EP400: variants seen among roughly 807,000 people sequenced by gnomAD.
The protein encoded by EP400 is E1A-binding protein p400.
A neutral mutation model predicts 354.1 loss-of-function variants in EP400; 105 were observed. The ratio of observed to expected loss-of-function variants is 0.30; its 90% confidence interval spans 0.25 to 0.35. EP400 has a LOEUF of 0.35. Ranked by LOEUF, EP400 falls within the 10% of genes least tolerant of loss-of-function variation. The pLI, the probability that EP400 is intolerant of heterozygous loss-of-function variation, is 1.00. For missense variants in EP400, 3,280 were observed against 4,121.0 expected (o/e 0.80, Z 5.59); for synonymous variants, 1,646 against 1,716.9 (o/e 0.96, Z 1.02).
At chr12:132,046,999 G>A (rs1200005043) in intron 39 of EP400, among the ~76,000 whole-genome samples, 1 of 152,242 alleles carries the variant, frequency 6.6e-6, no homozygotes, top group Non-Finnish European at 1.5e-5. Context: ...AGTAGAGGCA[G>A]GCATCCAGTA....
Position 132,052,992 on chromosome 12 carries a change from C to A in EP400, c.7395-154C>A, listed in dbSNP as rs920483640. Among the ~76,000 whole-genome samples the A allele has an allele frequency of 1.3e-5, 2 of 152,140 alleles. No individual in the cohort carries two copies. Among genetic ancestry groups the A allele is most frequent in the African/African-American group, 4.8e-5 (2 of 41,436 alleles). Reference sequence around the variant, plus strand: ...GAGGATGAGGTCTAGGTGGCTCGATCTCCTGCAGGGCACATTGGGCACCTT... The same window carrying A: ...GAGGATGAGGTCTAGGTGGCTCGATATCCTGCAGGGCACATTGGGCACCTT... On this transcript the variant is annotated intron_variant, in intron 41 of 52. Coordinates refer to ENST00000389561, the MANE Select transcript of EP400 (RefSeq NM_015409.5). The surrounding 1 kb of genome is among the most constrained non-coding windows in gnomAD (Gnocchi z 4.4).
chr12:131,981,931 CCT>C (rs1566171295), intron 4 of EP400, among the ~76,000 whole-genome samples, 160 bp from the exon 5 acceptor site: 1 of 152,152 alleles, frequency 6.6e-6, no homozygotes, highest in Non-Finnish European at 1.5e-5. Flanking sequence ...AGGTCAAGCG[CCT>C]CTCTTTCCTT....
At chr12:132,042,480 G>A (rs1422064170) in intron 32 of EP400, among the ~76,000 whole-genome samples, 2 of 152,158 alleles carry the variant, frequency 1.3e-5, no homozygotes, top group Admixed American at 1.3e-4. Context: ...CCACCTGAAG[G>A]TCACCGGGCA....
At chr12:131,975,693 G>A (rs1463566212) in intron 2 of EP400, among the ~76,000 whole-genome samples, 3 of 147,474 alleles carry the variant, frequency 2.0e-5, no homozygotes, top group African/African-American at 8.1e-5. Context: ...CCAAGTAGCT[G>A]GGAGTACAGG....
intron 21 of EP400, among the ~76,000 whole-genome samples, chr12:132,019,472 G>A (rs1256632669): frequency 1.3e-5 from 2 of 152,146 alleles, no homozygotes; most frequent in African/African-American, 2.4e-5. Context: ...GGGAAGCCAA[G>A]CTGGCGGGAT....
chr12:131,954,626 G>C (rs562481706), intron 1 of EP400, among the ~76,000 whole-genome samples: 24 of 151,050 alleles, frequency 1.6e-4, no homozygotes, highest in Middle Eastern at 3.4e-3. Context: ...TCAGGAGGCT[G>C]AGGCAGGAGA....
chr12:132,031,590 G>A (rs1254832932), intron 29 of EP400, among the ~76,000 whole-genome samples: 1 of 152,176 alleles, frequency 6.6e-6, no homozygotes, highest in East Asian at 1.9e-4. Flanking sequence ...ACAGAGTCCT[G>A]CTCTGTCGCC....
Position 132,013,004 on chromosome 12 carries a change from T to G in EP400, c.3442-5T>G, listed in dbSNP as rs1347302251. ...AGGCACTGAGCTGTCCTCTCTGTGC[T>G]GCAGGAGTGGGCCGAACCCAACAGC... On this transcript the variant is annotated splice_region_variant and splice_polypyrimidine_tract_variant and intron_variant, in intron 16 of 52. Coordinates refer to ENST00000389561, the MANE Select transcript of EP400 (RefSeq NM_015409.5). This position sits in a 1 kb window ranked among gnomAD's most constrained non-coding sequence, Gnocchi z 4.5. The G allele has an allele frequency of 6.2e-7, 1 of 1,606,110 alleles. No homozygotes were observed. The highest frequency in any genetic ancestry group is 8.5e-7 in the Non-Finnish European group (1 of 1,175,512).
At position 132,053,535 on chromosome 12, in the gene EP400, C is replaced by G. The variant is rs771926434; in HGVS notation, c.7666C>G (p.Pro2556Ala). 3.2e-6 allele frequency: 5 copies of G among 1,552,538 alleles called. No individual in the cohort carries two copies. In the African/African-American group the frequency reaches 5.4e-5, roughly 17 times the overall value. The change falls in exon 43 of 53, where the codon CCT (proline) becomes GCT (alanine). Residue 2556 changes from proline to alanine, a missense_variant. This residue lies in a region of EP400 where 255 missense variants were observed against 295.9 expected (regional missense o/e 0.86). Coordinates refer to ENST00000389561, the MANE Select transcript of EP400 (RefSeq NM_015409.5). ...GCCACAGCCCCAGACCCAGCCACAG[C>G]CTGTGCAGGCCCCAGCGAAGGCGCA... is the stretch of plus-strand genomic sequence containing the variant. Reference protein sequence around the residue: ...PQPQPQTQPQPVQAPAKAQPA... With the variant: ...PQPQPQTQPQAVQAPAKAQPA...
In EP400 at chr12:132,029,852, G is replaced by A. The variant is rs1488042222; in HGVS notation, c.5533G>A (p.Ala1845Thr). ...CTTCCAGCAGCTGCGGCAGACCACG[G>A]CTCCACGCCTGCTGCAGTTCCCTGA... is the stretch of plus-strand genomic sequence containing the variant. ...PYFQQLRQTT[A>T]PRLLQFPELR... is the part of the protein sequence containing the mutation. The change falls in exon 28 of 53, where the codon GCT becomes ACT. Residue 1845 changes from alanine to threonine, a missense_variant. Around this residue, in one of 20 missense-constraint regions of EP400, gnomAD observed 459 missense variants for 496.9 expected, o/e 0.92. Transcript: ENST00000389561. This position sits in a 1 kb window ranked among gnomAD's most constrained non-coding sequence, Gnocchi z 4.7. The A allele has an allele frequency of 1.9e-6, 3 of 1,612,836 alleles. No individual in the cohort carries two copies. The highest frequency in any genetic ancestry group is 2.5e-6 in the Non-Finnish European group (3 of 1,180,036).
At chr12:131,998,726 A>G (rs1304865350) in intron 12 of EP400, among the ~76,000 whole-genome samples, 2 of 46,334 alleles carry the variant, frequency 4.3e-5, no homozygotes, top group Admixed American at 2.2e-4. Context: ...GACTTTGTAT[A>G]CAGTCTTGTA....
intron 48 of EP400, 160 bp downstream of exon 48, chr12:132,065,046 C>T (rs1895844535): frequency 7.6e-7 from 1 of 1,309,304 alleles, no homozygotes; most frequent in Admixed American, 2.8e-5. Flanking sequence ...GGACGGGACT[C>T]ACCACTCGTG....
chr12:132,040,031 C>G (rs553578860), intron 32 of EP400, among the ~76,000 whole-genome samples: 59 of 152,306 alleles, frequency 3.9e-4, no homozygotes, highest in African/African-American at 1.4e-3. Context: ...CAGAGTGACA[C>G]CCTGTCTCAA....
intron 19 of EP400, among the ~76,000 whole-genome samples, chr12:132,016,083 C>T (rs541866101): frequency 1.2e-4 from 19 of 152,324 alleles, no homozygotes; most frequent in African/African-American, 4.1e-4. Context: ...CTTTAAGCTC[C>T]ATCCCTTCTC....
At chr12:132,016,322 A>T (rs967349353) in intron 19 of EP400, among the ~76,000 whole-genome samples, 6 of 149,708 alleles carry the variant, frequency 4.0e-5, no homozygotes, top group Non-Finnish European at 7.4e-5. Context: ...GGGACTCAGG[A>T]CTCCAGGCGC....
intron 39 of EP400, among the ~76,000 whole-genome samples, chr12:132,047,951 G>A (rs1260341381): frequency 6.6e-6 from 1 of 152,154 alleles, no homozygotes; most frequent in Non-Finnish European, 1.5e-5. Context: ...AGAATTCAAC[G>A]AATTCAGCAA....
intron 48 of EP400, chr12:132,065,254 G>A (rs1593386244): frequency 3.6e-6 from 1 of 279,066 alleles, no homozygotes; most frequent in East Asian, 6.8e-5. Flanking sequence ...GTAGGCATGG[G>A]CAGGTGGCGG....
Position 132,066,915 on chromosome 12 carries a change from C to T in EP400, c.8695C>T (p.Pro2899Ser). ...CTCCTCACCGGGAGTCACCACCCTG[C>T]CCATGAACGTCGCGGGGATCAGCGT... The part of the protein sequence containing the change: ...VVSSPGVTTL[P>S]MNVAGISVAI... Residue 2899 changes from proline to serine, a missense_variant, in exon 49 of 53, where the codon CCC (proline) becomes TCC (serine). Coordinates refer to ENST00000389561, the MANE Select transcript of EP400 (RefSeq NM_015409.5). The T allele has an allele frequency of 6.2e-7, 1 of 1,611,222 alleles. No individual in the cohort carries two copies.
chr12:131,959,253 A>G (rs906796519), intron 1 of EP400, among the ~76,000 whole-genome samples: 31 of 152,148 alleles, frequency 2.0e-4, no homozygotes, highest in Admixed American at 7.2e-4. Flanking sequence ...TTGATGTGGG[A>G]CAGTGTCCAA....
Sources: allele counts gnomAD v4.1 joint callset (sites outside exome capture counted in the v4.1 genomes callset), GRCh38; gene constraint gnomAD v4.1.1; regional missense constraint gnomAD v4.1.1; non-coding constraint Gnocchi (gnomAD v3.1); transcripts MANE v1.5; gene names NCBI Gene and HGNC (gene_info 2026-07-23, HGNC 2026-07-21).